The following KCNJ18 variants were observed in gnomAD, a reference collection of about 807,000 sequenced individuals.
The protein encoded by KCNJ18 is potassium inwardly rectifying channel subfamily J member 18.
Under a neutral mutation model 17.3 loss-of-function variants are expected in KCNJ18, and 16 were observed. That is an observed-to-expected ratio of 0.92 (90% CI 0.62 to 1.40). The LOEUF (loss-of-function observed/expected upper bound fraction) is 1.40, where lower values mean the gene tolerates loss of function less well. KCNJ18 is among the 40% of genes most tolerant of loss of function. The probability of loss-of-function intolerance (pLI) is 0.00; values close to 1 mark genes in which losing one functional copy is unlikely to be tolerated. For synonymous variants in KCNJ18, 185 were observed against 262.6 expected (o/e 0.70, Z 2.86); for missense variants, 462 against 626.8 (o/e 0.74, Z 2.81).
In KCNJ18 at chr17:21,704,440, C is replaced by T. The variant is rs1449366140; in HGVS notation, c.*352C>T. 7.4e-6 allele frequency: 2 copies of T among 268,976 alleles called. No homozygotes were observed. Among genetic ancestry groups the T allele is most frequent in the African/African-American group, 4.4e-5 (2 of 45,094 alleles). The allele number at this position is 268,976 out of a possible 1,614,324, so 16.7% of individuals were successfully genotyped here. A position where few individuals can be genotyped will look rare whatever the true frequency, so the allele number is the denominator to read the frequency against. On this transcript the variant is annotated 3_prime_UTR_variant, in exon 3 of 3. Transcript: ENST00000567955. The stretch of plus-strand genomic sequence containing the variant: ...GCCTCTGCTGTCCAAGGCTGGCTAG[C>T]TGCGGTGCTCCTTGCTGGTTTTTAA...
intron 2 of KCNJ18, among the ~76,000 whole-genome samples, chr17:21,701,358 G>A (rs1905944006): frequency 6.6e-6 from 1 of 152,308 alleles, no homozygotes; most frequent in Non-Finnish European, 1.5e-5. Context: ...ACACCCCTGA[G>A]CACTGCCCAG....
In KCNJ18 at chr17:21,703,796, A is replaced by G; in HGVS notation, c.1010A>G (p.Gln337Arg). The change falls in exon 3 of 3, where the codon CAG becomes CGG. Residue 337 changes from glutamine to arginine, a missense_variant. Gln to Arg is a conservative substitution (Grantham distance 43, BLOSUM62 1). Around this residue, in one of 5 missense-constraint regions of KCNJ18, gnomAD observed 20 missense variants for 61.7 expected, o/e 0.32. Transcript: ENST00000567955. ...FEPVLFEEKNQYKIDYSHFHK... is the reference protein window; with the variant it reads ...FEPVLFEEKNRYKIDYSHFHK... Reference sequence around the variant, plus strand: ...CCCGTGCTCTTCGAGGAGAAGAACCAGTACAAGATTGACTACTCGCACTTC... The same window carrying G: ...CCCGTGCTCTTCGAGGAGAAGAACCGGTACAAGATTGACTACTCGCACTTC... The G allele has an allele frequency of 6.2e-7, 1 of 1,609,534 alleles. No homozygotes were observed. Among genetic ancestry groups the G allele is most frequent in the Non-Finnish European group, 8.5e-7 (1 of 1,178,994 alleles).
intron 2 of KCNJ18, among the ~76,000 whole-genome samples, chr17:21,698,023 C>T (rs1454374318): frequency 6.8e-6 from 1 of 147,848 alleles, no homozygotes; most frequent in Non-Finnish European, 1.5e-5. Flanking sequence ...TGCCCCATCT[C>T]CGAATGAGGG....
intron 2 of KCNJ18, among the ~76,000 whole-genome samples, chr17:21,697,457 C>G (rs1905794515): frequency 2.6e-5 from 4 of 152,304 alleles, no homozygotes; most frequent in Admixed American, 2.6e-4. Flanking sequence ...ATCTTCTTCC[C>G]AGATTATGAG....
rs1597758429 is a variant in KCNJ18, at chr17:21,703,184, C to A, written c.398C>A (p.Ala133Asp). 5.0e-6 allele frequency: 8 copies of A among 1,608,974 alleles called. No individual in the cohort carries two copies. The highest frequency in any genetic ancestry group is 3.3e-4 in the Middle Eastern group (2 of 6,054). ...CVMQVHGFMA[A>D]FLFSIETQTT... ...ATGCAGGTGCACGGCTTCATGGCGG[C>A]CTTCCTCTTCTCCATCGAGACGCAG... The change falls in exon 3 of 3, where the codon GCC (alanine) becomes GAC (aspartate). Residue 133 changes from alanine (A) to aspartate (D), a missense_variant. Coordinates refer to ENST00000567955, the MANE Select transcript of KCNJ18 (RefSeq NM_001194958.2).
At chr17:21,697,008 C>T (rs1210592762) in intron 2 of KCNJ18, among the ~76,000 whole-genome samples, 18 of 152,254 alleles carry the variant, frequency 1.2e-4, no homozygotes, top group South Asian at 2.1e-4. Context: ...AGCTGACTCC[C>T]GCTGGGGAGG....
In KCNJ18 at chr17:21,703,656, G is replaced by A. The variant is rs1224105815; in HGVS notation, c.870G>A (p.Thr290=). ...LFGISRQDLE[T]DDFEIVVILE... ...GCATCAGCCGGCAGGACCTGGAGAC[G>A]GACGACTTTGAGATCGTGGTCATCC... Residue 290 remains threonine (T), a synonymous_variant, in exon 3 of 3, where the codon ACG becomes ACA. Transcript: ENST00000567955. 22 of 1,603,696 alleles carry A rather than the reference G, an allele frequency of 1.4e-5. No homozygotes were observed. Among genetic ancestry groups the A allele is most frequent in the Middle Eastern group, 1.7e-4 (1 of 6,044 alleles).
chr17:21,693,434 G>A (rs1905663416), intron 1 of KCNJ18, among the ~76,000 whole-genome samples: 1 of 152,310 alleles, frequency 6.6e-6, no homozygotes, highest in Non-Finnish European at 1.5e-5. Flanking sequence ...GTGACCAGCA[G>A]GATGTGGATA....
At chr17:21,697,961 T>A (rs1422067577) in intron 2 of KCNJ18, among the ~76,000 whole-genome samples, 1 of 152,306 alleles carries the variant, frequency 6.6e-6, no homozygotes, top group African/African-American at 2.4e-5. Context: ...TTCCCTGCAT[T>A]GAGTGATCTC....
chr17:21,703,270 G>A lies in KCNJ18; in HGVS notation c.484G>A (p.Val162Met). Residue 162 changes from valine to methionine, a missense_variant, in exon 3 of 3, where the codon GTG (valine) becomes ATG (methionine). Transcript: ENST00000567955. ...GGAGTGCCTGGTGGCCGTCTTCATGGTGGTGGCCCAGTCCATCGTGGGCTG... is the reference window on the plus strand; with the variant it reads ...GGAGTGCCTGGTGGCCGTCTTCATGATGGTGGCCCAGTCCATCGTGGGCTG... ...TEECLVAVFM[V>M]VAQSIVGCII... 3.7e-6 allele frequency: 6 copies of A among 1,609,424 alleles called. No homozygotes were observed. The African/African-American group carries it at 6.7e-5, about 18-fold the overall frequency.
At chr17:21,699,812 C>T (rs1177197307) in intron 2 of KCNJ18, among the ~76,000 whole-genome samples, 1,557 of 152,318 alleles carry the variant, frequency 0.01, no homozygotes, top group African/African-American at 0.035. Context: ...AGTCTGGTAG[C>T]TGGCCAGTTT....
At chr17:21,701,931 A>G (rs1460502824) in intron 2 of KCNJ18, among the ~76,000 whole-genome samples, 4 of 67,020 alleles carry the variant, frequency 6.0e-5, no homozygotes, top group African/African-American at 2.2e-4. Flanking sequence ...AAAAAAAGAA[A>G]AAAGAAAAGA....
In KCNJ18 at chr17:21,703,989, G is replaced by A; in HGVS notation, c.1203G>A (p.Arg401=). 6.2e-7 allele frequency: 1 copy of A among 1,601,228 alleles called. No homozygotes were observed. Among genetic ancestry groups the A allele is most frequent in the Non-Finnish European group, 8.5e-7 (1 of 1,174,952 alleles). ...ACGGAGACCAGGACGGCCGAAGCCG[G>A]GATGGCCTCAGCCCCCAGGCCAGGC... ...EADGDQDGRS[R]DGLSPQARHD... Residue 401 remains arginine (R), a synonymous_variant, in exon 3 of 3, where the codon CGG becomes CGA. Coordinates refer to ENST00000567955, the MANE Select transcript of KCNJ18 (RefSeq NM_001194958.2).
intron 2 of KCNJ18, among the ~76,000 whole-genome samples, chr17:21,699,489 T>A (rs1428371741): frequency 8.6e-5 from 13 of 152,028 alleles, no homozygotes; most frequent in East Asian, 1.9e-4. Context: ...TCTCTCTCTC[T>A]CTCACACACA....
chr17:21,702,473 T>A (rs1905991860), intron 2 of KCNJ18, among the ~76,000 whole-genome samples: 1 of 152,156 alleles, frequency 6.6e-6, no homozygotes, highest in Non-Finnish European at 1.5e-5. Flanking sequence ...GGTCGGATCC[T>A]AAATAGACTC....
rs1354757291 is a variant in KCNJ18 at position 21,702,756 on chromosome 17, G to C, written c.-31G>C. The C allele has an allele frequency of 4.5e-6, 7 of 1,554,944 alleles. No homozygotes were observed. The South Asian group carries it at 7.0e-5, about 16-fold the overall frequency. On this transcript the variant is annotated 5_prime_UTR_variant, in exon 3 of 3. Transcript: ENST00000567955. ...GAGCCGCCCTGCCTGGAGCTAGCCT[G>C]GGGGTGAGCCAGGGTCCCCCAACCC...
chr17:21,695,774 T>G, intron 1 of KCNJ18, among the ~76,000 whole-genome samples: 1 of 152,430 alleles, frequency 6.6e-6, no homozygotes, highest in Middle Eastern at 3.4e-3. Context: ...TGACACTCCA[T>G]CTTGTTCTGC....
intron 2 of KCNJ18, among the ~76,000 whole-genome samples, chr17:21,697,955 C>T (rs1395404018): frequency 6.6e-6 from 1 of 152,242 alleles, no homozygotes; most frequent in Admixed American, 6.5e-5. Context: ...CCAGCCTTCC[C>T]TGCATTGAGT....
At chr17:21,698,923 A>G (rs1419725801) in intron 2 of KCNJ18, among the ~76,000 whole-genome samples, 26 of 152,102 alleles carry the variant, frequency 1.7e-4, no homozygotes, top group Admixed American at 9.1e-4. Context: ...TTGGTGTTGA[A>G]ACCGCCTTGT....
Sources: gnomAD v4.1 joint callset for allele counts (sites outside exome capture counted in the v4.1 genomes callset) on GRCh38, gnomAD v4.1.1 for gene constraint, gnomAD v4.1.1 regional missense constraint, MANE v1.5 for transcripts, NCBI Gene and HGNC (gene_info 2026-07-23, HGNC 2026-07-21) for gene names.